Variants in ASB4 observed in about 807,000 individuals in gnomAD.
The protein encoded by ASB4 is ankyrin repeat and SOCS box containing 4, also known as ankyrin repeat and SOCS box protein 4.
In ASB4, 35 loss-of-function variants were observed where a neutral mutation model predicts 38.6. The observed-to-expected ratio is 0.91, with a 90% CI of 0.69 to 1.20. The LOEUF is 1.20. Ranked by LOEUF, ASB4 falls within the 50% of genes most tolerant of loss-of-function variation. ASB4 has a pLI of 0.00. For synonymous variants in ASB4, 195 were observed against 201.3 expected, an observed-to-expected ratio of 0.97 and a Z score of 0.26; for missense variants, 557 against 527.2, an observed-to-expected ratio of 1.06 and a Z score of -0.55.
In ASB4 at chr7:95,528,150, C is replaced by T. The variant is rs1192124183; in HGVS notation, c.825C>T (p.Gly275=). 1.2e-6 allele frequency: 2 copies of T among 1,614,180 alleles called. No homozygotes were observed. The highest frequency in any genetic ancestry group is 1.7e-6 in the Non-Finnish European group (2 of 1,180,032). Reference sequence around the variant, plus strand: ...TCATGCACATGATGCTGGAAGCTGGCGCCGAAGCCAATCTCATGGATATCA... The same window carrying T: ...TCATGCACATGATGCTGGAAGCTGGTGCCGAAGCCAATCTCATGGATATCA... ...HVLMHMMLEA[G]AEANLMDING... is the part of the protein sequence containing the mutation. The change falls in exon 3 of 5, where the codon GGC becomes GGT. Residue 275 remains glycine, a synonymous_variant. Transcript: ENST00000325885.
At chr7:95,492,575 C>T (rs1445767444) in intron 1 of ASB4, among the ~76,000 whole-genome samples, 1 of 152,174 alleles carries the variant, frequency 6.6e-6, no homozygotes, top group African/African-American at 2.4e-5. Flanking sequence ...GGATAATCTT[C>T]CCTCCAGCGC....
At chr7:95,524,577 C>G (rs1032879217) in intron 2 of ASB4, among the ~76,000 whole-genome samples, 1 of 152,108 alleles carries the variant, frequency 6.6e-6, no homozygotes, top group African/African-American at 2.4e-5. Context: ...CGCCACCCCC[C>G]AAAACACACA....
At chr7:95,515,167 CTCTTTCTTTCTT>C (rs71127411) in intron 2 of ASB4, among the ~76,000 whole-genome samples, 5,335 of 89,312 alleles carry the variant, frequency 0.06, 206 homozygotes, top group Non-Finnish European at 0.078. Flanking sequence ...CTTTCTCTTT[CTCTTTCTTTCTT>C]TCTTTCTTTC....
At chr7:95,473,309 A>G in the ASB4 span, among the ~76,000 whole-genome samples, 3 of 152,306 alleles carry the variant, frequency 2.0e-5, no homozygotes, top group African/African-American at 4.8e-5. Context: ...ACACATGTCA[A>G]CTTAGTTAAT....
At chr7:95,550,888 A>G in the ASB4 span, among the ~76,000 whole-genome samples, 1 of 152,062 alleles carries the variant, frequency 6.6e-6, no homozygotes, top group African/African-American at 2.4e-5. Context: ...CCCTTCCCCA[A>G]AGTTTTCTTA....
upstream of ASB4, among the ~76,000 whole-genome samples, chr7:95,475,339 G>C (rs778353948): frequency 6.6e-6 from 1 of 152,120 alleles, no homozygotes; most frequent in Non-Finnish European, 1.5e-5. Flanking sequence ...TCACAACCTA[G>C]AATATTGGCA....
At chr7:95,480,913 C>A (rs1790016984), upstream of ASB4, among the ~76,000 whole-genome samples, 1 of 152,124 alleles carries the variant, frequency 6.6e-6, no homozygotes, top group Admixed American at 6.5e-5. Flanking sequence ...TAAATGTGAG[C>A]TGATTTCTTA....
intron 2 of ASB4, among the ~76,000 whole-genome samples, chr7:95,502,392 G>A (rs1261635889): frequency 2.5e-4 from 1 of 3,994 alleles, no homozygotes; most frequent in Non-Finnish European, 1.0e-3. Flanking sequence ...ACCAGCCTGC[G>A]GGGGGGGGGC....
At chr7:95,514,196 C>T (rs1790523712) in intron 2 of ASB4, among the ~76,000 whole-genome samples, 2 of 152,298 alleles carry the variant, frequency 1.3e-5, no homozygotes, top group South Asian at 4.2e-4. Flanking sequence ...CTCTTAACGT[C>T]ATTTCTTTCT....
At chr7:95,489,700 A>G (rs572236945) in intron 1 of ASB4, among the ~76,000 whole-genome samples, 5 of 152,356 alleles carry the variant, frequency 3.3e-5, no homozygotes, top group Admixed American at 1.3e-4. Flanking sequence ...AATAAAAACG[A>G]TATAAAGAAA....
At chr7:95,481,477 G>T (rs192220179), upstream of ASB4, among the ~76,000 whole-genome samples, 44 of 152,292 alleles carry the variant, frequency 2.9e-4, no homozygotes, top group African/African-American at 1.0e-3. Flanking sequence ...TAATAGCAAG[G>T]ACATCTAATT....
intron 2 of ASB4, among the ~76,000 whole-genome samples, chr7:95,508,448 T>C (rs1167446531): frequency 6.6e-6 from 1 of 152,162 alleles, no homozygotes; most frequent in Admixed American, 6.5e-5. Flanking sequence ...AAATATTATA[T>C]TTTCTATAAT....
intron 2 of ASB4, among the ~76,000 whole-genome samples, chr7:95,497,836 A>G (rs1219650583): frequency 6.6e-6 from 1 of 152,166 alleles, no homozygotes; most frequent in Non-Finnish European, 1.5e-5. Context: ...TTTGAGATCC[A>G]TCCATATGGT....
intron 2 of ASB4, among the ~76,000 whole-genome samples, chr7:95,501,779 C>T (rs1790341661): frequency 6.6e-6 from 1 of 152,092 alleles, no homozygotes; most frequent in African/African-American, 2.4e-5. Context: ...CAGAGGGAGA[C>T]TACCTAGAGA....
intron 2 of ASB4, among the ~76,000 whole-genome samples, chr7:95,515,239 CTTTCTTTCT>C (rs1790552718): frequency 1.7e-5 from 2 of 115,994 alleles, no homozygotes; most frequent in Admixed American, 9.0e-5. Context: ...CTTTTTCTTT[CTTTCTTTCT>C]TTCCTTCTTT....
intron 2 of ASB4, among the ~76,000 whole-genome samples, chr7:95,517,066 T>A (rs552176185): frequency 6.6e-6 from 1 of 152,242 alleles, no homozygotes; most frequent in East Asian, 1.9e-4. Flanking sequence ...GTGTTAATGA[T>A]CATTTGCATG....
upstream of ASB4, among the ~76,000 whole-genome samples, chr7:95,474,528 G>A (rs1376663289): frequency 1.3e-5 from 2 of 152,064 alleles, no homozygotes; most frequent in Non-Finnish European, 2.9e-5. Context: ...CTTAGTTTTT[G>A]TTTTTCTTTT....
chr7:95,511,969 T>G (rs1790488793), intron 2 of ASB4, among the ~76,000 whole-genome samples: 1 of 152,208 alleles, frequency 6.6e-6, no homozygotes, highest in African/African-American at 2.4e-5. Context: ...TGTTTTTGCC[T>G]TATTCTGTGG....
chr7:95,471,320 T>A, the ASB4 span, among the ~76,000 whole-genome samples: 2 of 152,210 alleles, frequency 1.3e-5, no homozygotes, highest in Non-Finnish European at 2.9e-5. Flanking sequence ...TCCTCTTTCC[T>A]GCACGCTTCC....
Sources: allele counts gnomAD v4.1 joint callset (sites outside exome capture counted in the v4.1 genomes callset), GRCh38; gene constraint gnomAD v4.1.1; transcripts MANE v1.5; gene names NCBI Gene and HGNC (gene_info 2026-07-23, HGNC 2026-07-21).